ZBTB46: variants seen among roughly 807,000 people sequenced by gnomAD.
The protein encoded by ZBTB46 is zinc finger and BTB domain containing 46, also known as zinc finger and BTB domain-containing protein 46.
Under a neutral mutation model 44.1 loss-of-function variants are expected in ZBTB46, and 8 were observed. That is an observed-to-expected ratio of 0.18 (90% CI 0.11 to 0.33). The LOEUF (loss-of-function observed/expected upper bound fraction) is 0.33, where lower values mean the gene tolerates loss of function less well. ZBTB46 is among the 10% of genes least tolerant of loss of function. The probability of loss-of-function intolerance (pLI) is 1.00; values close to 1 mark genes in which losing one functional copy is unlikely to be tolerated. For missense variants in ZBTB46, 651 were observed against 847.7 expected (o/e 0.77, Z 2.88); for synonymous variants, 409 against 382.3 (o/e 1.07, Z -0.81).
At chr20:63,797,037 A>G (rs1472814618) in intron 1 of ZBTB46, among the ~76,000 whole-genome samples, 3 of 152,018 alleles carry the variant, frequency 2.0e-5, no homozygotes, top group African/African-American at 7.3e-5. Context: ...TTTAAGTTCT[A>G]AGGGTACATG....
intron 1 of ZBTB46, among the ~76,000 whole-genome samples, chr20:63,796,538 G>A (rs2092605527): frequency 6.6e-6 from 1 of 152,218 alleles, no homozygotes; most frequent in Non-Finnish European, 1.5e-5. Context: ...TTAAAATTCT[G>A]CTTAAGGCCG....
At chr20:63,751,315 C>T (rs1177651402) in intron 4 of ZBTB46, among the ~76,000 whole-genome samples, 1 of 152,200 alleles carries the variant, frequency 6.6e-6, no homozygotes, top group Non-Finnish European at 1.5e-5. Context: ...AGGACTGTTC[C>T]TTCTCTACTG....
intron 3 of ZBTB46, among the ~76,000 whole-genome samples, chr20:63,766,834 A>C (rs1489782179): frequency 6.6e-6 from 1 of 152,184 alleles, no homozygotes; most frequent in East Asian, 1.9e-4. Context: ...GACCGTCCGG[A>C]AAGGGGATGG....
At chr20:63,761,091 C>A (rs2092271201) in intron 3 of ZBTB46, among the ~76,000 whole-genome samples, 1 of 148,336 alleles carries the variant, frequency 6.7e-6, no homozygotes, top group Admixed American at 6.8e-5. Flanking sequence ...CTCCGCCTCC[C>A]AGGTTCAAGC....
intron 2 of ZBTB46, chr20:63,788,272 C>G (rs1281429193): frequency 4.6e-5 from 7 of 152,292 alleles, no homozygotes; most frequent in African/African-American, 1.7e-4. Context: ...CAACACCACA[C>G]CCAACTCCAA....
At chr20:63,805,749 CTT>C (rs67091593) in intron 1 of ZBTB46, among the ~76,000 whole-genome samples, 19 of 145,092 alleles carry the variant, frequency 1.3e-4, no homozygotes, top group African/African-American at 2.3e-4. Context: ...CATGCATCAG[CTT>C]TTTTTTTTTT....
intron 1 of ZBTB46, among the ~76,000 whole-genome samples, chr20:63,808,676 G>T (rs1316247855): frequency 6.6e-6 from 1 of 152,106 alleles, no homozygotes; most frequent in Non-Finnish European, 1.5e-5. Flanking sequence ...CGCCAAGGCC[G>T]CCTTAAGAAA....
intron 3 of ZBTB46, among the ~76,000 whole-genome samples, chr20:63,765,853 G>C (rs1294748199): frequency 6.6e-6 from 1 of 152,188 alleles, no homozygotes; most frequent in Non-Finnish European, 1.5e-5. Flanking sequence ...TCTGCCACGA[G>C]CATATTTTTT....
intron 3 of ZBTB46, among the ~76,000 whole-genome samples, chr20:63,772,720 AAAACACACACACACAC>A (rs1256427262): frequency 9.5e-4 from 108 of 113,248 alleles, no homozygotes; most frequent in African/African-American, 3.8e-3. Context: ...CCCTGTCTCA[AAAACACACACACACAC>A]ACACACACAC....
At chr20:63,830,775 G>T (rs1453555806) in intron 1 of ZBTB46, among the ~76,000 whole-genome samples, 1 of 145,222 alleles carries the variant, frequency 6.9e-6, no homozygotes, top group Admixed American at 6.8e-5. Context: ...CCGAGGGGCC[G>T]GGGCAGCCCA....
Position 63,752,536 on chromosome 20 carries a change from G to A in ZBTB46, c.1398+150C>T. 3 of 973,584 alleles carry A rather than the reference G, an allele frequency of 3.1e-6. No individual in the cohort carries two copies. Among genetic ancestry groups the A allele is most frequent in the African/African-American group, 3.4e-5 (2 of 58,360 alleles). 60.3% of individuals were successfully genotyped at this position (973,584 alleles called of 1,614,324 possible). On this transcript the variant is annotated intron_variant, in intron 4 of 4. Coordinates refer to ENST00000245663, the MANE Select transcript of ZBTB46 (RefSeq NM_001369741.1). This position sits in a 1 kb window ranked among gnomAD's most constrained non-coding sequence, Gnocchi z 5.6. ...GCCGGGGCAGAGCAGACAGGGGCCCGGGGCGGATCTCCCTGCCCTGCTGTC... is the reference window on the plus strand; with the variant it reads ...GCCGGGGCAGAGCAGACAGGGGCCCAGGGCGGATCTCCCTGCCCTGCTGTC...
intron 1 of ZBTB46, among the ~76,000 whole-genome samples, chr20:63,801,261 C>T (rs1242659215): frequency 3.3e-5 from 5 of 152,054 alleles, no homozygotes; most frequent in South Asian, 4.2e-4. Flanking sequence ...CACCAATCAG[C>T]GCCCTGTATC....
intron 3 of ZBTB46, among the ~76,000 whole-genome samples, chr20:63,757,343 G>A (rs1334601323): frequency 6.6e-6 from 1 of 152,084 alleles, no homozygotes; most frequent in Non-Finnish European, 1.5e-5. Flanking sequence ...GGCTGGTCTC[G>A]AACTCCTGAC....
intron 3 of ZBTB46, among the ~76,000 whole-genome samples, chr20:63,762,925 A>C (rs904533120): frequency 6.6e-6 from 1 of 152,162 alleles, no homozygotes; most frequent in African/African-American, 2.4e-5. Context: ...ACAGTGGCAC[A>C]ATCATAGCAC....
chr20:63,795,215 C>G (rs781548480), intron 1 of ZBTB46, among the ~76,000 whole-genome samples: 1 of 152,210 alleles, frequency 6.6e-6, no homozygotes, highest in Non-Finnish European at 1.5e-5. Context: ...CAAACAGAAT[C>G]GCTTATGAAA....
At chr20:63,807,902 G>A (rs1457684414) in intron 1 of ZBTB46, among the ~76,000 whole-genome samples, 4 of 152,222 alleles carry the variant, frequency 2.6e-5, no homozygotes, top group South Asian at 2.1e-4. Flanking sequence ...CACCTTGTGC[G>A]GCACAGGCCC....
intron 3 of ZBTB46, among the ~76,000 whole-genome samples, chr20:63,764,463 T>G (rs1184770189): frequency 6.6e-6 from 1 of 152,054 alleles, no homozygotes; most frequent in Non-Finnish European, 1.5e-5. Flanking sequence ...TGATGAATAT[T>G]TTTGTTGGGT....
intron 3 of ZBTB46, among the ~76,000 whole-genome samples, chr20:63,764,632 C>T (rs1425097163): frequency 6.9e-6 from 1 of 145,784 alleles, no homozygotes; most frequent in Admixed American, 6.9e-5. Flanking sequence ...GACGGAGTTT[C>T]GCTCTTGTTG....
intron 1 of ZBTB46, among the ~76,000 whole-genome samples, chr20:63,804,424 T>A (rs1344631314): frequency 6.6e-6 from 1 of 152,050 alleles, no homozygotes; most frequent in Non-Finnish European, 1.5e-5. Flanking sequence ...TCCTGAGCCC[T>A]CTCAGCCAAT....
Sources: allele counts gnomAD v4.1 joint callset (sites outside exome capture counted in the v4.1 genomes callset), GRCh38; gene constraint gnomAD v4.1.1; non-coding constraint Gnocchi (gnomAD v3.1); transcripts MANE v1.5; gene names NCBI Gene and HGNC (gene_info 2026-07-23, HGNC 2026-07-21).